VPS54: variants seen among roughly 807,000 people sequenced by gnomAD.
The protein encoded by VPS54 is VPS54 subunit of GARP complex.
Under a neutral mutation model 121.5 loss-of-function variants are expected in VPS54, and 45 were observed. The ratio of observed to expected loss-of-function variants is 0.37; its 90% confidence interval spans 0.29 to 0.47. The LOEUF is 0.47. Among genes scored for constraint, VPS54 ranks in the 20% least tolerant of loss-of-function variants. The pLI is 0.99. For missense variants in VPS54, 1,090 were observed against 1,131.4 expected, an observed-to-expected ratio of 0.96 and a Z score of 0.52; for synonymous variants, 371 against 385.8, an observed-to-expected ratio of 0.96 and a Z score of 0.45.
intron 5 of VPS54, among the ~76,000 whole-genome samples, chr2:63,967,520 C>T (rs1016561609): frequency 6.6e-5 from 10 of 151,638 alleles, no homozygotes; most frequent in African/African-American, 2.4e-4. Context: ...TTGAGACCAG[C>T]CTAGCCTGGC....
At chr2:63,908,937 G>C (rs2104423487) in intron 20 of VPS54, among the ~76,000 whole-genome samples, 1 of 152,298 alleles carries the variant, frequency 6.6e-6, no homozygotes, top group South Asian at 2.1e-4. Context: ...CCAAAACCCT[G>C]ACAATGAATT....
At chr2:63,913,087 G>C (rs897602103) in intron 18 of VPS54, 136 bp downstream of exon 18, 3 of 674,466 alleles carry the variant, frequency 4.4e-6, no homozygotes, top group Admixed American at 3.6e-5. Flanking sequence ...ATACATAAAA[G>C]AGTAAGTAGC....
intron 16 of VPS54, 50 bp from the exon 17 acceptor site, chr2:63,914,337 A>G: frequency 7.8e-7 from 1 of 1,274,636 alleles, no homozygotes; most frequent in East Asian, 2.3e-5. Context: ...AAGAAAAATC[A>G]AAAGGATTTG....
chr2:63,898,277 G>A (rs1487252492), intron 21 of VPS54, among the ~76,000 whole-genome samples: 2 of 152,070 alleles, frequency 1.3e-5, no homozygotes, highest in Non-Finnish European at 2.9e-5. Flanking sequence ...GAACTCAGAT[G>A]GCAAATCCAG....
intron 11 of VPS54, among the ~76,000 whole-genome samples, chr2:63,936,708 A>G (rs1674470913): frequency 1.3e-5 from 2 of 152,214 alleles, no homozygotes; most frequent in African/African-American, 4.8e-5. Context: ...TAAAAAGTCA[A>G]AATACAATCG....
Position 63,947,726 on chromosome 2 carries a change from G to A in VPS54, c.1138-236C>T, listed in dbSNP as rs116432608. Among the ~76,000 whole-genome samples, 456 of 152,146 alleles carry A rather than the reference G, an allele frequency of 3.0e-3. 1 individual carries two copies. Among genetic ancestry groups the A allele is most frequent in the Middle Eastern group, 0.014 (4 of 294 alleles). ...CAGTGAACCAATGAAGCTGGTTTTC[G>A]GGCAAAACAATACAAGGGTATTTTT... is the stretch of plus-strand genomic sequence containing the variant. On this transcript the variant is annotated intron_variant, in intron 8 of 22. Transcript: ENST00000272322.
At position 63,893,373 on chromosome 2, in the gene VPS54, T is replaced by C; in HGVS notation, c.*57A>G. The C allele has an allele frequency of 6.9e-7, 1 of 1,452,728 alleles. No individual in the cohort carries two copies. The highest frequency in any genetic ancestry group is 9.7e-7 in the Non-Finnish European group (1 of 1,033,176). The allele number at this position is 1,452,728 out of a possible 1,614,324, so 90.0% of individuals were successfully genotyped here. ...TCTCGAATCACAGGCATCCAGATTT[T>C]CTTCATAACAAACACATCCCATGGT... On this transcript the variant is annotated 3_prime_UTR_variant, in exon 23 of 23. Transcript: ENST00000272322.
rs562271786 is a variant in VPS54 at position 63,985,337 on chromosome 2, T to TA, written c.-20-1319dup. Among the ~76,000 whole-genome samples the TA allele has an allele frequency of 2.1e-3, 318 of 151,814 alleles. 3 individuals carry two copies. The highest frequency in any genetic ancestry group is 7.4e-3 in the African/African-American group (307 of 41,412). On this transcript the variant is annotated intron_variant, in intron 1 of 22. Coordinates refer to ENST00000272322, the MANE Select transcript of VPS54 (RefSeq NM_016516.3). ...CCGTCTCAAACAAACAAACAATAAA[T>TA]AAAAAATAAGGAGCAGAGATATGAG... is the stretch of plus-strand genomic sequence containing the variant.
At chr2:64,001,886 T>C (rs1169406044) in intron 1 of VPS54, among the ~76,000 whole-genome samples, 1 of 152,130 alleles carries the variant, frequency 6.6e-6, no homozygotes, top group Admixed American at 6.5e-5. Flanking sequence ...TAGTAAGTCA[T>C]GTGCCCCTAA....
At chr2:63,997,680 C>G (rs1305302822) in intron 1 of VPS54, among the ~76,000 whole-genome samples, 1 of 149,506 alleles carries the variant, frequency 6.7e-6, no homozygotes, top group South Asian at 2.1e-4. Flanking sequence ...TGTCCTGTTT[C>G]TTCATTTCAA....
chr2:63,940,562 A>G (rs1018940947), intron 11 of VPS54, among the ~76,000 whole-genome samples: 5 of 152,246 alleles, frequency 3.3e-5, no homozygotes, highest in Admixed American at 3.3e-4. Flanking sequence ...AACCACGTAC[A>G]GCAGGTTTTT....
intron 21 of VPS54, among the ~76,000 whole-genome samples, chr2:63,898,578 A>C (rs184278570): frequency 1.9e-3 from 282 of 152,272 alleles, no homozygotes; most frequent in Non-Finnish European, 2.7e-3. Context: ...GGCAAGAGAC[A>C]CTAAGAAAGC....
At position 63,975,031 on chromosome 2, in the gene VPS54, A is replaced by G. The variant is rs759542640; in HGVS notation, c.379-2787T>C. ...GAAGCATCTAGTTTCCCCATTAGCTACAGAGTTTTTGTAGATTTTTTTTTT... is the reference window on the plus strand; with the variant it reads ...GAAGCATCTAGTTTCCCCATTAGCTGCAGAGTTTTTGTAGATTTTTTTTTT... On this transcript the variant is annotated intron_variant, in intron 3 of 22. Coordinates refer to ENST00000272322, the MANE Select transcript of VPS54 (RefSeq NM_016516.3). The G allele has an allele frequency of 1.6e-4, 250 of 1,548,922 alleles. 1 individual carries two copies. The highest frequency in any genetic ancestry group is 1.0e-3 in the Middle Eastern group (6 of 5,948).
At chr2:63,976,823 CTCTTTTTTT>C (rs1206217005) in intron 3 of VPS54, among the ~76,000 whole-genome samples, 3 of 68,040 alleles carry the variant, frequency 4.4e-5, no homozygotes, top group African/African-American at 1.2e-4. Flanking sequence ...CTTATATCTT[CTCTTTTTTT>C]TTTTTTTTTT....
intron 7 of VPS54, among the ~76,000 whole-genome samples, chr2:63,960,781 A>G (rs1675733641): frequency 6.6e-6 from 1 of 152,236 alleles, no homozygotes; most frequent in Non-Finnish European, 1.5e-5. Flanking sequence ...ATAATTTCAA[A>G]GGTGAAGGAA....
chr2:63,915,102 G>C (rs1673320373), intron 16 of VPS54, among the ~76,000 whole-genome samples: 1 of 124,290 alleles, frequency 8.0e-6, no homozygotes, highest in African/African-American at 3.1e-5. Context: ...GGTGAGCTGA[G>C]ATCATGCCAT....
At chr2:63,973,679 TA>T (rs1237903032) in intron 3 of VPS54, among the ~76,000 whole-genome samples, 2 of 152,114 alleles carry the variant, frequency 1.3e-5, no homozygotes, top group African/African-American at 4.8e-5. Flanking sequence ...CAGCTAGGAC[TA>T]CAGGTCCACA....
chr2:63,944,530 G>A (rs541596237), intron 10 of VPS54, 70 bp downstream of exon 10: 26 of 1,425,774 alleles, frequency 1.8e-5, no homozygotes, highest in South Asian at 7.2e-5. Flanking sequence ...AATCTACTTC[G>A]AATTATTCTA....
At chr2:63,990,737 G>C (rs188338652) in intron 1 of VPS54, among the ~76,000 whole-genome samples, 35 of 152,244 alleles carry the variant, frequency 2.3e-4, no homozygotes, top group African/African-American at 8.4e-4. Flanking sequence ...CCAAAACAAA[G>C]AAACAAGTGG....
Sources: gnomAD v4.1 joint callset for allele counts (sites outside exome capture counted in the v4.1 genomes callset) on GRCh38, gnomAD v4.1.1 for gene constraint, MANE v1.5 for transcripts, NCBI Gene and HGNC (gene_info 2026-07-23, HGNC 2026-07-21) for gene names.